The following MCF2L2 variants were observed in gnomAD, a reference collection of about 807,000 sequenced individuals.
MCF2L2 encodes MCF.2 cell line derived transforming sequence-like 2, also known as probable guanine nucleotide exchange factor MCF2L2.
In MCF2L2, 102 loss-of-function variants were observed where a neutral mutation model predicts 150.2. The observed-to-expected ratio is 0.68, with a 90% CI of 0.58 to 0.80. MCF2L2 has a LOEUF of 0.80. Ranked by LOEUF, MCF2L2 falls within the 30% of genes least tolerant of loss-of-function variation. The pLI, the probability that MCF2L2 is intolerant of heterozygous loss-of-function variation, is 0.00. For synonymous variants in MCF2L2, 465 were observed against 491.3 expected (o/e 0.95, Z 0.71); for missense variants, 1,256 against 1,372.8 (o/e 0.91, Z 1.34).
chr3:183,318,184 T>C lies in MCF2L2; in HGVS notation c.637A>G (p.Thr213Ala). ...CCAAACGTCTGCAGCATCTGGGCAG[T>C]GGTCTTCAAGGTCAAGGCAAAGTTT... ...IENFALTLKT[T>A]AQMLQTFGSC... Residue 213 changes from threonine to alanine, a missense_variant, in exon 7 of 30, where the codon ACT (threonine) becomes GCT (alanine). Transcript: ENST00000328913. 1 of 1,614,202 alleles carries C rather than the reference T, an allele frequency of 6.2e-7. No homozygotes were observed. The highest frequency in any genetic ancestry group is 8.5e-7 in the Non-Finnish European group (1 of 1,180,028).
intron 3 of MCF2L2, chr3:183,376,754 CAGTT>C (rs1306928655): frequency 6.6e-6 from 1 of 152,150 alleles, no homozygotes; most frequent in East Asian, 1.9e-4. Context: ...CCCAAAGAAT[CAGTT>C]AGAGTCAGTT....
intron 14 of MCF2L2, among the ~76,000 whole-genome samples, 188 bp downstream of exon 14, chr3:183,288,932 C>T (rs1401659179): frequency 3.3e-5 from 5 of 152,080 alleles, no homozygotes; most frequent in African/African-American, 1.2e-4. Context: ...CTTCTAGCTG[C>T]CGTTAAGAAG....
intron 5 of MCF2L2, among the ~76,000 whole-genome samples, chr3:183,337,899 A>G (rs1730550973): frequency 6.6e-6 from 1 of 152,224 alleles, no homozygotes; most frequent in Non-Finnish European, 1.5e-5. Context: ...CCAGTGAAAT[A>G]TAAGAGTGCT....
chr3:183,295,352 A>C lies in MCF2L2; in HGVS notation c.1623T>G (p.Pro541=). The change falls in exon 13 of 30, where the codon CCT becomes CCG. Residue 541 remains proline (P), a synonymous_variant. Coordinates refer to ENST00000328913, the MANE Select transcript of MCF2L2 (RefSeq NM_015078.4). ...TRPVQPVAPH[P]ESSPKWVSSK... ...ATGACACCCATTTTGGTGAAGACTCAGGATGTGGGGCCACAGGTTGCACTG... is the reference window on the plus strand; with the variant it reads ...ATGACACCCATTTTGGTGAAGACTCCGGATGTGGGGCCACAGGTTGCACTG... 6.2e-7 allele frequency: 1 copy of C among 1,613,440 alleles called. No individual in the cohort carries two copies. Among genetic ancestry groups the C allele is most frequent in the South Asian group, 1.1e-5 (1 of 90,934 alleles).
At chr3:183,217,623 A>T (rs1722994190) in intron 21 of MCF2L2, among the ~76,000 whole-genome samples, 1 of 152,234 alleles carries the variant, frequency 6.6e-6, no homozygotes, top group Non-Finnish European at 1.5e-5. Context: ...AAAGAACTCC[A>T]TAGAGGCTGC....
Position 183,313,052 on chromosome 3 carries a change from G to A in MCF2L2, c.754-1280C>T, listed in dbSNP as rs893326700. ...TCTCATCAATGCTCATGAAATATTT[G>A]TAGGTTGGATAAATTAATAACAGCC... On this transcript the variant is annotated intron_variant, in intron 7 of 29. Coordinates refer to ENST00000328913, the MANE Select transcript of MCF2L2 (RefSeq NM_015078.4). Among the ~76,000 whole-genome samples the A allele has an allele frequency of 2.0e-5, 3 of 152,140 alleles. No homozygotes were observed. In the East Asian group the frequency reaches 5.8e-4, roughly 29 times the overall value.
intron 7 of MCF2L2, among the ~76,000 whole-genome samples, chr3:183,316,190 A>C (rs1729594483): frequency 6.6e-6 from 1 of 152,226 alleles, no homozygotes; most frequent in Admixed American, 6.5e-5. Flanking sequence ...CCTCCTAGGA[A>C]TCACGTGAAC....
intron 15 of MCF2L2, among the ~76,000 whole-genome samples, chr3:183,241,970 G>A (rs1724047086): frequency 6.6e-6 from 1 of 152,206 alleles, no homozygotes; most frequent in African/African-American, 2.4e-5. Context: ...CTCTTGCTAT[G>A]TTTTAGCAAA....
chr3:183,348,282 C>A (rs1386415029), intron 3 of MCF2L2, among the ~76,000 whole-genome samples: 4 of 152,038 alleles, frequency 2.6e-5, no homozygotes, highest in African/African-American at 7.2e-5. Flanking sequence ...AACCATCATT[C>A]TTAGCAAACT....
chr3:183,294,134 G>A (rs946102975), intron 13 of MCF2L2, among the ~76,000 whole-genome samples: 8 of 152,222 alleles, frequency 5.3e-5, no homozygotes, highest in African/African-American at 1.9e-4. Context: ...AAAGAACAAC[G>A]TTGGAACATC....
intron 5 of MCF2L2, among the ~76,000 whole-genome samples, chr3:183,332,522 T>G (rs1021261638): frequency 6.6e-6 from 1 of 152,196 alleles, no homozygotes; most frequent in Non-Finnish European, 1.5e-5. Flanking sequence ...AATGTATCTG[T>G]GTACATATGA....
In MCF2L2 at chr3:183,295,356, T is replaced by C. The variant is rs773700134; in HGVS notation, c.1619A>G (p.His540Arg). 1.2e-6 allele frequency: 2 copies of C among 1,613,660 alleles called. No individual in the cohort carries two copies. The highest frequency in any genetic ancestry group is 8.5e-7 in the Non-Finnish European group (1 of 1,179,850). ...CACCCATTTTGGTGAAGACTCAGGATGTGGGGCCACAGGTTGCACTGGACG... is the reference window on the plus strand; with the variant it reads ...CACCCATTTTGGTGAAGACTCAGGACGTGGGGCCACAGGTTGCACTGGACG... ...QTRPVQPVAP[H>R]PESSPKWVSS... is the part of the protein sequence containing the mutation. Residue 540 changes from histidine to arginine, a missense_variant, in exon 13 of 30, where the codon CAT becomes CGT. His to Arg is a conservative substitution (Grantham distance 29). Coordinates refer to ENST00000328913, the MANE Select transcript of MCF2L2 (RefSeq NM_015078.4).
intron 1 of MCF2L2, among the ~76,000 whole-genome samples, chr3:183,393,803 C>T (rs1714298757): frequency 6.6e-6 from 1 of 152,244 alleles, no homozygotes; most frequent in Non-Finnish European, 1.5e-5. Flanking sequence ...GAGAGAGCAG[C>T]ATGCGCTCTG....
intron 15 of MCF2L2, among the ~76,000 whole-genome samples, chr3:183,249,569 G>T (rs143370094): frequency 6.6e-6 from 1 of 152,194 alleles, no homozygotes; most frequent in Non-Finnish European, 1.5e-5. Flanking sequence ...AGTGGCCTGC[G>T]GGTGAGTGCC....
At chr3:183,427,692 G>GC (rs1439153670) in intron 1 of MCF2L2, among the ~76,000 whole-genome samples, 2 of 151,920 alleles carry the variant, frequency 1.3e-5, no homozygotes, top group Non-Finnish European at 2.9e-5. Flanking sequence ...ACCAGCCTCG[G>GC]CCCCCCGACC....
intron 22 of MCF2L2, among the ~76,000 whole-genome samples, chr3:183,214,812 C>T (rs1480327437): frequency 6.7e-6 from 1 of 150,316 alleles, no homozygotes; most frequent in Non-Finnish European, 1.5e-5. Context: ...TGGAGAAGCC[C>T]CGTCTCTACT....
At chr3:183,225,973 G>A (rs1157980513) in intron 18 of MCF2L2, 3 of 152,106 alleles carry the variant, frequency 2.0e-5, no homozygotes, top group South Asian at 2.1e-4. Flanking sequence ...ATGATAAATC[G>A]GGTTTCCTGA....
chr3:183,382,438 G>C (rs2108590543), intron 2 of MCF2L2, among the ~76,000 whole-genome samples: 1 of 152,230 alleles, frequency 6.6e-6, no homozygotes, highest in Middle Eastern at 3.4e-3. Context: ...TTCTACCTTG[G>C]TTACTACCAA....
chr3:183,192,887 C>A, intron 27 of MCF2L2, 112 bp downstream of exon 27: 1 of 718,888 alleles, frequency 1.4e-6, no homozygotes, highest in Non-Finnish European at 2.4e-6. Context: ...CTTTTTTCTC[C>A]CTCATTTAAC....
Sources: gnomAD v4.1 joint callset for allele counts (sites outside exome capture counted in the v4.1 genomes callset) on GRCh38, gnomAD v4.1.1 for gene constraint, MANE v1.5 for transcripts, NCBI Gene and HGNC (gene_info 2026-07-23, HGNC 2026-07-21) for gene names.